RGS7: variants seen among roughly 807,000 people sequenced by gnomAD.
RGS7 encodes the protein regulator of G protein signaling 7.
In RGS7, 27 loss-of-function variants were observed where a neutral mutation model predicts 81.1. That is an observed-to-expected ratio of 0.33 (90% CI 0.25 to 0.46). RGS7 has a LOEUF of 0.46. Among genes scored for constraint, RGS7 ranks in the 20% least tolerant of loss-of-function variants. The probability of loss-of-function intolerance (pLI) is 1.00; values close to 1 mark genes in which losing one functional copy is unlikely to be tolerated. For synonymous variants in RGS7, 208 were observed against 207.7 expected, an observed-to-expected ratio of 1.00 and a Z score of -0.01; for missense variants, 396 against 607.4, an observed-to-expected ratio of 0.65 and a Z score of 3.66.
chr1:241,301,628 C>CA (rs1200495493), intron 2 of RGS7, among the ~76,000 whole-genome samples: 1 of 152,186 alleles, frequency 6.6e-6, no homozygotes, highest in Non-Finnish European at 1.5e-5. Context: ...CCAGCATCCT[C>CA]ATTAAAAATT....
chr1:240,917,631 C>T (rs1006512917), intron 6 of RGS7, among the ~76,000 whole-genome samples: 2 of 151,424 alleles, frequency 1.3e-5, no homozygotes, highest in African/African-American at 4.8e-5. Context: ...TGATACTGGG[C>T]AAAAAGGGAA....
intron 2 of RGS7, among the ~76,000 whole-genome samples, chr1:241,326,645 T>C (rs201225577): frequency 1.9e-5 from 2 of 104,230 alleles, no homozygotes; most frequent in African/African-American, 7.2e-5. Flanking sequence ...AAAATAACAG[T>C]AGAAAAAGTA....
Position 240,981,402 on chromosome 1 carries a change from G to A in RGS7, c.226+1677C>T, listed in dbSNP as rs547485615. On this transcript the variant is annotated intron_variant, in intron 4 of 18. Transcript: ENST00000440928. ...TGGGATTATAGGCATGAGTCACCGC[G>A]CCTGACCCAGTCTTTACCTTACAGA... is the stretch of plus-strand genomic sequence containing the variant. 5.3e-5 allele frequency among the ~76,000 whole-genome samples: 8 copies of A among 152,196 alleles called. No homozygotes were observed. The East Asian group carries it at 9.7e-4, about 18-fold the overall frequency.
At chr1:240,872,096 T>C (rs2148038024) in intron 6 of RGS7, among the ~76,000 whole-genome samples, 1 of 152,288 alleles carries the variant, frequency 6.6e-6, no homozygotes, top group African/African-American at 2.4e-5. Context: ...TCCTATGATG[T>C]GATTTTTCTT....
At chr1:241,251,596 T>G (rs993532080) in intron 2 of RGS7, among the ~76,000 whole-genome samples, 3 of 151,258 alleles carry the variant, frequency 2.0e-5, no homozygotes, top group African/African-American at 7.3e-5. Flanking sequence ...TGCAACCTCC[T>G]TCTCCCAGGT....
intron 6 of RGS7, among the ~76,000 whole-genome samples, chr1:240,903,130 G>A (rs1326447741): frequency 6.6e-6 from 1 of 152,194 alleles, no homozygotes; most frequent in Non-Finnish European, 1.5e-5. Context: ...AGAATTATGA[G>A]TGACAACAAC....
In RGS7 at chr1:240,870,019, T is replaced by G. The variant is rs759891870; in HGVS notation, c.450+36A>C. ...CTGTGGGCCTTACTGCTGTGCATTC[T>G]ATGACTATCTTTGCCAGAAGGTCCT... On this transcript the variant is annotated intron_variant, in intron 7 of 18. Transcript: ENST00000440928. 5 of 1,566,968 alleles carry G rather than the reference T, an allele frequency of 3.2e-6. No homozygotes were observed. In the South Asian group the frequency reaches 3.3e-5, roughly 10 times the overall value.
At position 240,907,104 on chromosome 1, in the gene RGS7, G is replaced by T. The variant is rs148897423; in HGVS notation, c.385+23613C>A. Among the ~76,000 whole-genome samples the T allele has an allele frequency of 1.2e-3, 186 of 152,188 alleles. 1 individual carries two copies. The highest frequency in any genetic ancestry group is 3.8e-3 in the African/African-American group (156 of 41,524). On this transcript the variant is annotated intron_variant, in intron 6 of 18. Coordinates refer to ENST00000440928, the MANE Select transcript of RGS7 (RefSeq NM_001364886.1). ...GGCTGCCTCACCTTTACCTGAAACT[G>T]TTGAATGGGATGCTAGATTCCCTCC...
chr1:241,122,658 C>T (rs1185590615), intron 2 of RGS7, among the ~76,000 whole-genome samples: 1 of 144,450 alleles, frequency 6.9e-6, no homozygotes, highest in East Asian at 2.1e-4. Flanking sequence ...AGAGAAACTC[C>T]ATCACAAAAA....
chr1:241,063,514 T>C (rs1200814276), intron 3 of RGS7, among the ~76,000 whole-genome samples: 2 of 152,238 alleles, frequency 1.3e-5, no homozygotes, highest in East Asian at 1.9e-4. Flanking sequence ...ATTTAGTCAA[T>C]AGGCCCCAGA....
At chr1:240,979,633 C>T (rs556486831) in intron 4 of RGS7, among the ~76,000 whole-genome samples, 3 of 152,204 alleles carry the variant, frequency 2.0e-5, no homozygotes, top group African/African-American at 7.2e-5. Flanking sequence ...GTGGAGAGGT[C>T]AGCATGAAAG....
At chr1:240,864,953 C>T (rs1197715141) in intron 9 of RGS7, among the ~76,000 whole-genome samples, 1 of 149,892 alleles carries the variant, frequency 6.7e-6, no homozygotes, top group Admixed American at 6.6e-5. Flanking sequence ...TTTCCATATT[C>T]CATTTTTTTT....
At chr1:241,246,060 C>T (rs892013521) in intron 2 of RGS7, among the ~76,000 whole-genome samples, 7 of 150,904 alleles carry the variant, frequency 4.6e-5, no homozygotes, top group South Asian at 4.2e-4. Flanking sequence ...GCTGAGACCA[C>T]GCCACTGCCC....
rs556219053 is a variant in RGS7 at position 241,009,847 on chromosome 1, G to A, written c.176-26718C>T. On this transcript the variant is annotated intron_variant, in intron 3 of 18. Coordinates refer to ENST00000440928, the MANE Select transcript of RGS7 (RefSeq NM_001364886.1). Reference sequence around the variant, plus strand: ...GTTCAATAACAAAGCATTAAGTTGAGATGGTATTTGGGGTAGTACCTAGTA... The same window carrying A: ...GTTCAATAACAAAGCATTAAGTTGAAATGGTATTTGGGGTAGTACCTAGTA... 2.4e-4 allele frequency among the ~76,000 whole-genome samples: 37 copies of A among 152,350 alleles called. No individual in the cohort carries two copies. In the South Asian group the frequency reaches 6.8e-3, roughly 28 times the overall value.
At chr1:241,220,999 G>A (rs7543470) in intron 2 of RGS7, among the ~76,000 whole-genome samples, 1,953 of 64,498 alleles carry the variant, frequency 0.03, 65 homozygotes, top group Middle Eastern at 0.13. Flanking sequence ...GGAAGGAAGA[G>A]AGAGAGAAAG....
At chr1:241,023,151 T>C (rs1285232171) in intron 3 of RGS7, among the ~76,000 whole-genome samples, 1 of 150,148 alleles carries the variant, frequency 6.7e-6, no homozygotes, top group African/African-American at 2.5e-5. Context: ...CTATGAGATA[T>C]AGTTGTCATA....
At chr1:240,801,352 G>A in intron 17 of RGS7, 103 bp downstream of exon 17, 2 of 744,050 alleles carry the variant, frequency 2.7e-6, no homozygotes. Context: ...CACTTTTGCT[G>A]TTATATCAAG....
intron 3 of RGS7, among the ~76,000 whole-genome samples, chr1:241,062,678 C>CT (rs1491285155): frequency 6.6e-6 from 1 of 152,044 alleles, no homozygotes; most frequent in African/African-American, 2.4e-5. Flanking sequence ...TGCAATACCC[C>CT]TTTTTTTCCC....
At chr1:241,319,888 C>T (rs1367388481) in intron 2 of RGS7, among the ~76,000 whole-genome samples, 1 of 152,094 alleles carries the variant, frequency 6.6e-6, no homozygotes, top group East Asian at 1.9e-4. Context: ...GTCAGGAGTT[C>T]GAGACCAGCC....
Sources: allele counts gnomAD v4.1 joint callset (sites outside exome capture counted in the v4.1 genomes callset), GRCh38; gene constraint gnomAD v4.1.1; transcripts MANE v1.5; gene names NCBI Gene and HGNC (gene_info 2026-07-23, HGNC 2026-07-21).